TGM7: variants seen among roughly 807,000 people sequenced by gnomAD.
TGM7 encodes the protein transglutaminase 7.
Under a neutral mutation model 79.5 loss-of-function variants are expected in TGM7, and 74 were observed. The ratio of observed to expected loss-of-function variants is 0.93; its 90% CI spans 0.77 to 1.13. TGM7 has a LOEUF of 1.13. TGM7 is among the 50% of genes most tolerant of loss of function. The pLI is 0.00. For missense variants in TGM7, 912 were observed against 905.9 expected (o/e 1.01, Z -0.09); for synonymous variants, 354 against 362.5 (o/e 0.98, Z 0.27).
intron 1 of TGM7, among the ~76,000 whole-genome samples, chr15:43,300,245 G>T (rs1398566744): frequency 3.3e-5 from 5 of 152,162 alleles, no homozygotes; most frequent in Non-Finnish European, 7.3e-5. Flanking sequence ...GGAACTCCAG[G>T]CTTTATGTAC....
chr15:43,279,545 G>A (rs2042895409), intron 10 of TGM7, 80 bp downstream of exon 10: 2 of 1,475,350 alleles, frequency 1.4e-6, no homozygotes, highest in Admixed American at 4.4e-5. Context: ...TGTGTAATCT[G>A]GCTGGGCCCA....
chr15:43,301,353 C>T (rs1045104279), intron 1 of TGM7, among the ~76,000 whole-genome samples: 9 of 149,956 alleles, frequency 6.0e-5, no homozygotes, highest in African/African-American at 9.8e-5. Context: ...TACATGGCCG[C>T]GTGTGGTGGC....
At chr15:43,282,119 CA>C in intron 8 of TGM7, 33 bp from the exon 9 acceptor site, 2 of 1,607,194 alleles carry the variant, frequency 1.2e-6, no homozygotes, top group Non-Finnish European at 8.5e-7. Flanking sequence ...ATATGGGGGC[CA>C]GGGGCAGCTG....
intron 1 of TGM7, among the ~76,000 whole-genome samples, chr15:43,294,769 T>C (rs574299322): frequency 2.6e-5 from 4 of 152,346 alleles, no homozygotes; most frequent in African/African-American, 9.6e-5. Context: ...CATTTTTTAC[T>C]GGGAAGAGAG....
rs765173836 is a variant in TGM7, at chr15:43,276,890, C to T, written c.1945G>A (p.Gly649Ser). ...SSCTMVLEGSGLINGQIAKDL... is the reference protein window; with the variant it reads ...SSCTMVLEGSSLINGQIAKDL... ...TTTGCTATCTGCCCATTGATGAGGCCGCTTCCTTCCAGCACCATCGTGCAG... is the reference window on the plus strand; with the variant it reads ...TTTGCTATCTGCCCATTGATGAGGCTGCTTCCTTCCAGCACCATCGTGCAG... The change falls in exon 12 of 13, where the codon GGC (glycine) becomes AGC (serine). Residue 649 changes from glycine to serine, a missense_variant. Transcript: ENST00000452443. The T allele has an allele frequency of 7.4e-6, 12 of 1,614,014 alleles. No homozygotes were observed. Among genetic ancestry groups the T allele is most frequent in the East Asian group, 4.5e-5 (2 of 44,890 alleles).
rs371366459 is a variant in TGM7 at position 43,291,931 on chromosome 15, C to T, written c.558+48G>A. On this transcript the variant is annotated intron_variant, in intron 4 of 12. Transcript: ENST00000452443. ...CTTACATAACAGGGTTGTGTAAGGACCAGCCTTAGGGAGCCCACCCCAGGC... is the reference window on the plus strand; with the variant it reads ...CTTACATAACAGGGTTGTGTAAGGATCAGCCTTAGGGAGCCCACCCCAGGC... 1.5e-5 allele frequency: 21 copies of T among 1,396,796 alleles called. No individual in the cohort carries two copies. The African/African-American group carries it at 2.5e-4, about 17-fold the overall frequency. The allele number at this position is 1,396,796 out of a possible 1,614,324, so 86.5% of individuals were successfully genotyped here. A position where few individuals can be genotyped will look rare whatever the true frequency, so the allele number is the denominator to read the frequency against.
chr15:43,285,539 C>G (rs760359149), intron 6 of TGM7, among the ~76,000 whole-genome samples: 1 of 152,084 alleles, frequency 6.6e-6, no homozygotes, highest in Non-Finnish European at 1.5e-5. Context: ...GGTTGTTGTA[C>G]AGATTATTTC....
chr15:43,301,203 G>A (rs1470766201), intron 1 of TGM7, among the ~76,000 whole-genome samples: 2 of 151,766 alleles, frequency 1.3e-5, no homozygotes, highest in Admixed American at 6.6e-5. Flanking sequence ...GGCTGGTCTC[G>A]AACTCCTCAG....
At chr15:43,277,367 A>C (rs1173196648) in intron 11 of TGM7, among the ~76,000 whole-genome samples, 2 of 152,214 alleles carry the variant, frequency 1.3e-5, no homozygotes, top group African/African-American at 4.8e-5. Context: ...ATTGATTCAT[A>C]TCTAACACAG....
chr15:43,292,093 G>C lies in TGM7; in HGVS notation c.444C>G (p.Asp148Glu), dbSNP rs199852387. 2 of 1,612,748 alleles carry C rather than the reference G, an allele frequency of 1.2e-6. No homozygotes were observed. Among genetic ancestry groups the C allele is most frequent in the African/African-American group, 2.7e-5 (2 of 74,864 alleles). The change falls in exon 4 of 13, where the codon GAC (aspartate) becomes GAG (glutamate). Residue 148 changes from aspartate (D) to glutamate (E), a missense_variant. Physicochemically the swap from Asp to Glu is conservative, Grantham distance 45. Coordinates refer to ENST00000452443, the MANE Select transcript of TGM7 (RefSeq NM_052955.3). ...ILLFNPWSPEDDVYLPSEILL... is the reference protein window; with the variant it reads ...ILLFNPWSPEEDVYLPSEILL... ...GTATTTCACTTGGCAGGTAGACGTC[G>C]TCCTCTGAGCAGTTAAGAGTAGTGG... is the stretch of plus-strand genomic sequence containing the variant.
chr15:43,290,722 G>A (rs1377554511), intron 4 of TGM7, among the ~76,000 whole-genome samples: 2 of 152,072 alleles, frequency 1.3e-5, no homozygotes, highest in Non-Finnish European at 2.9e-5. Flanking sequence ...CCATTTGTTT[G>A]TATCCTCTTT....
chr15:43,300,634 T>C lies in TGM7; in HGVS notation c.10+1607A>G, dbSNP rs540634116. Among the ~76,000 whole-genome samples the C allele has an allele frequency of 4.5e-4, 68 of 152,304 alleles. 1 individual carries two copies. The South Asian group carries it at 0.014, about 31-fold the overall frequency. ...GGCCAACGTAGTGAAACCCTGTCTC[T>C]ACTAAAAATACAAAAAATTAGCCAG... On this transcript the variant is annotated intron_variant, in intron 1 of 12. Transcript: ENST00000452443.
chr15:43,290,188 A>G (rs1433881539), intron 4 of TGM7, among the ~76,000 whole-genome samples: 1 of 152,108 alleles, frequency 6.6e-6, no homozygotes, highest in Non-Finnish European at 1.5e-5. Flanking sequence ...TAGGGTTTTT[A>G]TGGTTTCAGG....
chr15:43,287,021 A>G (rs2042938805), intron 6 of TGM7, among the ~76,000 whole-genome samples: 2 of 152,130 alleles, frequency 1.3e-5, no homozygotes, highest in Admixed American at 6.5e-5. Context: ...CGGGACCACA[A>G]ACTCCTCTAT....
rs761751398 is a variant in TGM7, at chr15:43,284,861, A to C, written c.957T>G (p.Tyr319Ter). The change falls in exon 7 of 13, where the codon TAT becomes TAG. Residue 319 changes from tyrosine (Y) to a stop codon, truncating the protein, a stop_gained. Coordinates refer to ENST00000452443, the MANE Select transcript of TGM7 (RefSeq NM_052955.3). LOFTEE classifies it high-confidence loss of function. The stretch of plus-strand genomic sequence containing the variant: ...TTGACAGCATCTCGGCATTTCGGTC[A>C]TAGTACGTATCGATGGTCAAGTTCC... ...VDRNLTIDTY[Y>*]DRNAEMLSTQ... The C allele has an allele frequency of 1.2e-6, 2 of 1,614,228 alleles. No homozygotes were observed. The highest frequency in any genetic ancestry group is 4.5e-5 in the East Asian group (2 of 44,888).
chr15:43,276,801 C>T (rs530683), intron 12 of TGM7, 61 bp downstream of exon 12: 1,033,049 of 1,586,772 alleles, frequency 0.65, 343,087 homozygotes, highest in Non-Finnish European at 0.68. Flanking sequence ...GGTCCTGTGA[C>T]GCCATGGGGC....
At chr15:43,288,210 C>T (rs1195352672) in intron 4 of TGM7, among the ~76,000 whole-genome samples, 3 of 152,216 alleles carry the variant, frequency 2.0e-5, no homozygotes, top group Non-Finnish European at 2.9e-5. Context: ...TCATAATAGA[C>T]GTGCACAATG....
intron 2 of TGM7, 80 bp downstream of exon 2, chr15:43,293,369 G>T: frequency 1.3e-6 from 2 of 1,496,874 alleles, no homozygotes; most frequent in Admixed American, 2.1e-5. Context: ...AGGTGGGAAA[G>T]GCAGGGGCCC....
chr15:43,292,813 A>G lies in TGM7; in HGVS notation c.335T>C (p.Val112Ala). 3 of 1,614,134 alleles carry G rather than the reference A, an allele frequency of 1.9e-6. No individual in the cohort carries two copies. The highest frequency in any genetic ancestry group is 2.5e-6 in the Non-Finnish European group (3 of 1,180,030). ...TATTTTCAGAGTGTAATGGCCAATA[A>G]CTGCATTGGCTGGTGTGAAAAGGGA... is the stretch of plus-strand genomic sequence containing the variant. ...QVSLFTPANA[V>A]IGHYTLKIEI... is the part of the protein sequence containing the mutation. Residue 112 changes from valine (V) to alanine (A), a missense_variant, in exon 3 of 13, where the codon GTT (valine) becomes GCT (alanine). Transcript: ENST00000452443.
Sources: gnomAD v4.1 joint callset for allele counts (sites outside exome capture counted in the v4.1 genomes callset) on GRCh38, gnomAD v4.1.1 for gene constraint, MANE v1.5 for transcripts, NCBI Gene and HGNC (gene_info 2026-07-23, HGNC 2026-07-21) for gene names.